OBP2B: variants seen among roughly 807,000 people sequenced by gnomAD.
OBP2B encodes the protein odorant-binding protein 2b.
A neutral mutation model predicts 21.7 loss-of-function variants in OBP2B; 10 were observed. The ratio of observed to expected loss-of-function variants is 0.46; its 90% confidence interval spans 0.28 to 0.78. The LOEUF (loss-of-function observed/expected upper bound fraction) is 0.78, where lower values mean the gene tolerates loss of function less well. Ranked by LOEUF, OBP2B falls within the 30% of genes least tolerant of loss-of-function variation. OBP2B has a pLI of 0.11. For synonymous variants in OBP2B, 73 were observed against 91.5 expected (o/e 0.80, Z 1.16); for missense variants, 153 against 217.7 (o/e 0.70, Z 1.87).
At chr9:133,214,224 G>C (rs1319132317), upstream of OBP2B, among the ~76,000 whole-genome samples, 2 of 152,200 alleles carry the variant, frequency 1.3e-5, no homozygotes, top group African/African-American at 4.8e-5. Flanking sequence ...TTGACAAAGA[G>C]CATCTACAAA....
chr9:133,206,175 GGGC>G, intron 5 of OBP2B, 137 bp downstream of exon 5: 1 of 1,154,660 alleles, frequency 8.7e-7, no homozygotes, highest in Admixed American at 1.9e-5. Context: ...ACGCTAAACA[GGGC>G]CCGGGAGCCC....
upstream of OBP2B, among the ~76,000 whole-genome samples, chr9:133,212,326 A>G (rs1833924166): frequency 6.6e-6 from 1 of 152,226 alleles, no homozygotes; most frequent in Admixed American, 6.5e-5. Flanking sequence ...AATTAACATA[A>G]TCGAATTGAC....
the OBP2B span, among the ~76,000 whole-genome samples, chr9:133,223,065 T>C: frequency 1.7e-3 from 252 of 152,294 alleles, no homozygotes; most frequent in African/African-American, 5.7e-3. The surrounding 1 kb of genome is among the most constrained non-coding windows in gnomAD (Gnocchi z 4.4). Flanking sequence ...GGCTCACTGG[T>C]GACGACGTAT....
At chr9:133,222,728 A>G in the OBP2B span, among the ~76,000 whole-genome samples, 1 of 152,046 alleles carries the variant, frequency 6.6e-6, no homozygotes, top group African/African-American at 2.4e-5. Context: ...AAGACTCCAA[A>G]ACAAAAAAAA....
At chr9:133,207,384 G>T in intron 3 of OBP2B, 48 bp from the exon 4 acceptor site, 4 of 1,266,382 alleles carry the variant, frequency 3.2e-6, no homozygotes, top group Non-Finnish European at 4.6e-6. Context: ...AACACTCGGG[G>T]CCACATGAAG....
chr9:133,219,797 C>T, the OBP2B span, among the ~76,000 whole-genome samples: 203 of 152,310 alleles, frequency 1.3e-3, no homozygotes, highest in African/African-American at 4.7e-3. Context: ...GAAATGAAAA[C>T]ATATGTTCCC....
the OBP2B span, among the ~76,000 whole-genome samples, chr9:133,218,908 T>C: frequency 3.0e-4 from 45 of 152,278 alleles, no homozygotes; most frequent in East Asian, 5.4e-3. Context: ...TACCAGTCCA[T>C]GCAGACAGAG....
upstream of OBP2B, among the ~76,000 whole-genome samples, chr9:133,211,592 A>T (rs1381157008): frequency 1.3e-5 from 2 of 152,250 alleles, no homozygotes; most frequent in East Asian, 3.8e-4. Flanking sequence ...AACTGATGGG[A>T]TAAATGGTCT....
At chr9:133,221,940 C>T in the OBP2B span, among the ~76,000 whole-genome samples, 1 of 152,034 alleles carries the variant, frequency 6.6e-6, no homozygotes, top group Admixed American at 6.6e-5. Context: ...CCCTCCTCCC[C>T]TACCCAATCC....
chr9:133,216,623 C>T, the OBP2B span, among the ~76,000 whole-genome samples: 2 of 152,194 alleles, frequency 1.3e-5, no homozygotes, highest in East Asian at 3.9e-4. Flanking sequence ...AGACATCCTC[C>T]AACAGGTGAA....
the OBP2B span, among the ~76,000 whole-genome samples, chr9:133,217,630 T>C: frequency 6.6e-6 from 1 of 152,196 alleles, no homozygotes; most frequent in Admixed American, 6.5e-5. Flanking sequence ...GGGTTCCCAG[T>C]GACTCTTGCA....
At position 133,205,874 on chromosome 9, in the gene OBP2B, A is replaced by G. The variant is rs781967824; in HGVS notation, c.*1+43T>C. ...ATGTACCCTCGAACCCCGGGAACCC[A>G]GGACTCTGGGCTTGTCCAGTGCCCT... On this transcript the variant is annotated intron_variant, in intron 6 of 6. Transcript: ENST00000372034. The G allele has an allele frequency of 2.6e-6, 4 of 1,559,082 alleles. No homozygotes were observed. In the South Asian group the frequency reaches 4.5e-5, roughly 17 times the overall value.
Position 133,207,875 on chromosome 9 carries a change from C to T in OBP2B, c.277+258G>A, listed in dbSNP as rs1212413296. The T allele has an allele frequency of 3.3e-6, 5 of 1,524,638 alleles. No individual in the cohort carries two copies. The Admixed American group carries it at 9.9e-5, about 30-fold the overall frequency. The allele number at this position is 1,524,638 out of a possible 1,614,324, so 94.4% of individuals were successfully genotyped here. A position where few individuals can be genotyped will look rare whatever the true frequency, so the allele number is the denominator to read the frequency against. On this transcript the variant is annotated intron_variant, in intron 3 of 6. Coordinates refer to ENST00000372034, the MANE Select transcript of OBP2B (RefSeq NM_014581.4). ...GCCTCCTTGTCCCAATCCTCAGCTT[C>T]CTCAATGTGTCAATGGCTAGGGCCT...
At position 133,208,223 on chromosome 9, in the gene OBP2B, C is replaced by G. The variant is rs115922547; in HGVS notation, c.207-20G>C. On this transcript the variant is annotated intron_variant, in intron 2 of 6. Coordinates refer to ENST00000372034, the MANE Select transcript of OBP2B (RefSeq NM_014581.4). The stretch of plus-strand genomic sequence containing the variant: ...TCCCTCCTGGAAAACAGGAGACACG[C>G]GGGCAGCGGCTCCCAGGACACCCAT... The G allele has an allele frequency of 2.2e-5, 36 of 1,611,536 alleles. No homozygotes were observed. The highest frequency in any genetic ancestry group is 2.2e-4 in the Middle Eastern group (1 of 4,454).
intron 4 of OBP2B, 150 bp from the exon 5 acceptor site, chr9:133,206,566 A>T (rs1394311954): frequency 1.0e-6 from 1 of 964,668 alleles, no homozygotes; most frequent in East Asian, 2.6e-5. Context: ...GGCTGGGGAC[A>T]GAGGAGATGG....
At chr9:133,212,722 G>A (rs1833928984), upstream of OBP2B, among the ~76,000 whole-genome samples, 1 of 152,224 alleles carries the variant, frequency 6.6e-6, no homozygotes, top group African/African-American at 2.4e-5. Context: ...CTTGCGATCA[G>A]GAATTCGAGA....
chr9:133,207,810 C>G (rs1336041240), intron 3 of OBP2B: 2 of 1,390,686 alleles, frequency 1.4e-6, no homozygotes, highest in African/African-American at 2.9e-5. Flanking sequence ...CCCTCAGCTT[C>G]CCCATCCCTA....
chr9:133,213,042 T>C (rs538382274), upstream of OBP2B, among the ~76,000 whole-genome samples: 119 of 152,256 alleles, frequency 7.8e-4, no homozygotes, highest in African/African-American at 2.8e-3. Flanking sequence ...CTGGACAGCA[T>C]GACAAAACCT....
chr9:133,210,391 G>A (rs529460732), upstream of OBP2B, among the ~76,000 whole-genome samples: 1 of 152,186 alleles, frequency 6.6e-6, no homozygotes, highest in South Asian at 2.1e-4. Context: ...TAACGAACGG[G>A]CTGGTGTGAC....
Sources: gnomAD v4.1 joint callset for allele counts (sites outside exome capture counted in the v4.1 genomes callset) on GRCh38, gnomAD v4.1.1 for gene constraint, Gnocchi (gnomAD v3.1) non-coding constraint, MANE v1.5 for transcripts, NCBI Gene and HGNC (gene_info 2026-07-23, HGNC 2026-07-21) for gene names.